Variants in PACRG observed in about 807,000 individuals in gnomAD.
The protein encoded by PACRG is parkin coregulated gene protein.
A neutral mutation model predicts 29.7 loss-of-function variants in PACRG; 29 were observed. That is an observed-to-expected ratio of 0.98 (90% CI 0.73 to 1.33). The LOEUF (loss-of-function observed/expected upper bound fraction) is 1.33, where lower values mean the gene tolerates loss of function less well. Among genes scored for constraint, PACRG ranks in the 40% most tolerant of loss-of-function variants. The pLI is 0.00. For missense variants in PACRG, 279 were observed against 316.2 expected (o/e 0.88, Z 0.89); for synonymous variants, 116 against 118.7 (o/e 0.98, Z 0.15).
chr6:163,247,026 T>C (rs1213997607), intron 4 of PACRG, among the ~76,000 whole-genome samples: 5 of 152,232 alleles, frequency 3.3e-5, no homozygotes, highest in African/African-American at 4.8e-5. Context: ...TCTTTGATCA[T>C]GGCCAAGGGC....
chr6:163,302,235 C>CT (rs1371794591), intron 4 of PACRG, among the ~76,000 whole-genome samples: 73 of 148,932 alleles, frequency 4.9e-4, no homozygotes, highest in Middle Eastern at 3.4e-3. Context: ...CTCTCTCTCT[C>CT]TTTTTTTTGT....
intron 2 of PACRG, among the ~76,000 whole-genome samples, chr6:162,870,674 A>G (rs1399609093): frequency 3.9e-5 from 6 of 152,238 alleles, no homozygotes; most frequent in Admixed American, 1.3e-4. Flanking sequence ...GAACATATAC[A>G]TTTCTTCTAA....
chr6:163,272,288 C>G (rs994928505), intron 4 of PACRG, among the ~76,000 whole-genome samples: 2 of 152,148 alleles, frequency 1.3e-5, no homozygotes, highest in Non-Finnish European at 2.9e-5. Context: ...CTGCGTCCCT[C>G]GGCCTTCCAA....
chr6:163,082,537 A>G (rs1813181057), intron 3 of PACRG, among the ~76,000 whole-genome samples: 1 of 152,208 alleles, frequency 6.6e-6, no homozygotes, highest in African/African-American at 2.4e-5. Flanking sequence ...TATATTGATA[A>G]TTTTTTAGAA....
At position 162,888,785 on chromosome 6, in the gene PACRG, A is replaced by G. The variant is rs149272806; in HGVS notation, c.291+74504A>G. ...GCAACCTTCCTCTTTGGAAAACCCA[A>G]TAGCCAGGAATTTAAAAGGCAGGAC... On this transcript the variant is annotated intron_variant, in intron 2 of 4. Coordinates refer to ENST00000366888, the MANE Select transcript of PACRG (RefSeq NM_001080379.2). 6.2e-3 allele frequency among the ~76,000 whole-genome samples: 940 copies of G among 152,232 alleles called. 11 individuals carry two copies. The highest frequency in any genetic ancestry group is 0.022 in the African/African-American group (903 of 41,546).
intron 4 of PACRG, among the ~76,000 whole-genome samples, chr6:163,248,069 T>TG (rs1174820546): frequency 6.6e-6 from 1 of 152,074 alleles, no homozygotes; most frequent in African/African-American, 2.4e-5. Context: ...TCCAAGAAAA[T>TG]GCTACCTCCA....
chr6:162,984,772 ATT>A (rs1802733831), intron 2 of PACRG, among the ~76,000 whole-genome samples: 1 of 150,394 alleles, frequency 6.6e-6, no homozygotes, highest in South Asian at 2.1e-4. Context: ...ATTTTGAGCA[ATT>A]TTTCATATGC....
chr6:163,131,123 G>C (rs1409667989), intron 4 of PACRG, among the ~76,000 whole-genome samples: 2 of 151,776 alleles, frequency 1.3e-5, no homozygotes, highest in African/African-American at 4.8e-5. Context: ...CTGGCTAACA[G>C]GGTGAAACCC....
intron 1 of PACRG, among the ~76,000 whole-genome samples, chr6:162,737,055 A>G (rs1008282894): frequency 6.6e-6 from 1 of 152,182 alleles, no homozygotes; most frequent in Non-Finnish European, 1.5e-5. Context: ...CAATTTCTGA[A>G]GTAGATGTAC....
intron 2 of PACRG, among the ~76,000 whole-genome samples, chr6:162,920,802 G>C (rs1797015205): frequency 6.6e-6 from 1 of 152,082 alleles, no homozygotes; most frequent in South Asian, 2.1e-4. Flanking sequence ...TTTTTAGGCA[G>C]CTGAACAGAA....
Position 163,172,348 on chromosome 6 carries a change from G to T in PACRG, c.613+82940G>T, listed in dbSNP as rs555490797. The stretch of plus-strand genomic sequence containing the variant: ...AAGCTACCAAAAATACAACAAAGAT[G>T]ATGGGATTTTTGTTACTTTAATTAT... On this transcript the variant is annotated intron_variant, in intron 4 of 4. Transcript: ENST00000366888. Among the ~76,000 whole-genome samples, 9 of 152,170 alleles carry T rather than the reference G, an allele frequency of 5.9e-5. 1 individual carries two copies. Among genetic ancestry groups the T allele is most frequent in the African/African-American group, 2.2e-4 (9 of 41,448 alleles).
At chr6:163,007,303 G>T (rs1805208180) in intron 2 of PACRG, among the ~76,000 whole-genome samples, 1 of 151,970 alleles carries the variant, frequency 6.6e-6, no homozygotes, top group African/African-American at 2.4e-5. Context: ...ATCTTTTGGA[G>T]ACTTAAACAA....
At chr6:163,148,163 T>C (rs1056600352) in intron 4 of PACRG, among the ~76,000 whole-genome samples, 2 of 152,160 alleles carry the variant, frequency 1.3e-5, no homozygotes, top group Non-Finnish European at 2.9e-5. Context: ...CTTACCAGAT[T>C]TTTCTTTAAT....
intron 3 of PACRG, among the ~76,000 whole-genome samples, chr6:163,073,830 G>C (rs1204857780): frequency 6.6e-6 from 1 of 152,170 alleles, no homozygotes; most frequent in Non-Finnish European, 1.5e-5. Flanking sequence ...CATATGAAAA[G>C]GTTCTCGACA....
chr6:162,916,534 C>T (rs529251708), intron 2 of PACRG, among the ~76,000 whole-genome samples: 1 of 152,222 alleles, frequency 6.6e-6, no homozygotes, highest in African/African-American at 2.4e-5. Flanking sequence ...TATGCAGTAC[C>T]TTCTGCATTT....
chr6:162,995,522 C>A (rs1280762783), intron 2 of PACRG, among the ~76,000 whole-genome samples: 1 of 152,206 alleles, frequency 6.6e-6, no homozygotes, highest in African/African-American at 2.4e-5. Context: ...GTCCGTCACC[C>A]CTTTCTTTGA....
At chr6:163,238,453 A>C (rs2128166764) in intron 4 of PACRG, among the ~76,000 whole-genome samples, 1 of 152,342 alleles carries the variant, frequency 6.6e-6, no homozygotes, top group East Asian at 1.9e-4. Flanking sequence ...TGGGAGGAAG[A>C]ATTTGAATAG....
intron 1 of PACRG, among the ~76,000 whole-genome samples, chr6:162,747,230 C>A (rs1299824629): frequency 6.7e-6 from 1 of 148,670 alleles, no homozygotes; most frequent in Non-Finnish European, 1.5e-5. Context: ...AGCCTCCCAG[C>A]CTACGTCTTT....
At chr6:163,297,808 C>T (rs1784834898) in intron 4 of PACRG, among the ~76,000 whole-genome samples, 4 of 152,142 alleles carry the variant, frequency 2.6e-5, no homozygotes, top group Admixed American at 2.6e-4. Flanking sequence ...CCCTCACAGC[C>T]ACCTGATGGG....
Sources: gnomAD v4.1 joint callset for allele counts (sites outside exome capture counted in the v4.1 genomes callset) on GRCh38, gnomAD v4.1.1 for gene constraint, MANE v1.5 for transcripts, NCBI Gene and HGNC (gene_info 2026-07-23, HGNC 2026-07-21) for gene names.